The following NCAM2 variants were observed in gnomAD, a reference collection of about 807,000 sequenced individuals.
NCAM2 encodes the protein neural cell adhesion molecule 2.
NCAM2 carries 30 observed loss-of-function variants against 98.1 expected under a neutral mutation model. The observed-to-expected ratio is 0.31, with a 90% confidence interval of 0.23 to 0.41. The LOEUF is 0.41. Ranked by LOEUF, NCAM2 falls within the 10% of genes least tolerant of loss-of-function variation. The pLI is 1.00. For synonymous variants in NCAM2, 368 were observed against 342.4 expected (o/e 1.07, Z -0.83); for missense variants, 867 against 1,005.8 (o/e 0.86, Z 1.87).
chr21:21,526,474 AAAG>A (rs763417240), intron 16 of NCAM2, among the ~76,000 whole-genome samples: 1 of 152,150 alleles, frequency 6.6e-6, no homozygotes, highest in Non-Finnish European at 1.5e-5. Flanking sequence ...ATAGAAAATA[AAAG>A]AAGAATGAAA....
chr21:21,320,465 C>A (rs1445154612), intron 5 of NCAM2, among the ~76,000 whole-genome samples: 1 of 151,942 alleles, frequency 6.6e-6, no homozygotes, highest in Non-Finnish European at 1.5e-5. Context: ...AATTGATCAC[C>A]CTCATAAATT....
intron 16 of NCAM2, among the ~76,000 whole-genome samples, chr21:21,525,489 C>T (rs558795870): frequency 6.4e-4 from 98 of 152,174 alleles, no homozygotes; most frequent in African/African-American, 2.3e-3. Flanking sequence ...CTGAACAGAC[C>T]TTTATATCCA....
intron 1 of NCAM2, among the ~76,000 whole-genome samples, chr21:21,224,179 A>G (rs938924061): frequency 1.3e-5 from 2 of 152,196 alleles, no homozygotes; most frequent in Admixed American, 6.5e-5. Flanking sequence ...CAGATACTGC[A>G]AAGTCTTTAA....
chr21:21,043,094 G>A (rs887806157), intron 1 of NCAM2, among the ~76,000 whole-genome samples: 1 of 152,104 alleles, frequency 6.6e-6, no homozygotes, highest in African/African-American at 2.4e-5. Context: ...AATTTTATCT[G>A]GTTAAGCATT....
intron 15 of NCAM2, among the ~76,000 whole-genome samples, chr21:21,488,187 A>G (rs1351221551): frequency 1.3e-5 from 2 of 152,046 alleles, no homozygotes; most frequent in African/African-American, 2.4e-5. Context: ...TAAATATTCA[A>G]GTTCTTTTTA....
chr21:21,539,060 C>T lies in NCAM2; in HGVS notation c.*1103C>T, dbSNP rs550379875. 6.6e-6 allele frequency: 1 copy of T among 152,254 alleles called. No homozygotes were observed. The highest frequency in any genetic ancestry group is 2.1e-4 in the South Asian group (1 of 4,828). 9.4% of individuals were successfully genotyped at this position (152,254 alleles called of 1,614,324 possible). A position where few individuals can be genotyped will look rare whatever the true frequency, so the allele number is the denominator to read the frequency against. The stretch of plus-strand genomic sequence containing the variant: ...GTAAATGATAAATAATTAAATGCCA[C>T]TATGTGTTCTATTCCGGATGTTCTA... On this transcript the variant is annotated 3_prime_UTR_variant, in exon 18 of 18. Transcript: ENST00000400546.
chr21:21,236,192 T>A (rs1198406953), intron 1 of NCAM2, among the ~76,000 whole-genome samples: 2 of 152,004 alleles, frequency 1.3e-5, no homozygotes, highest in Non-Finnish European at 2.9e-5. Context: ...GCGCTTCCTA[T>A]CTAGGAAATC....
chr21:21,510,095 A>G (rs1988266274), intron 16 of NCAM2, among the ~76,000 whole-genome samples: 1 of 152,108 alleles, frequency 6.6e-6, no homozygotes, highest in African/African-American at 2.4e-5. Flanking sequence ...TCATACGTTA[A>G]TCCCTTATAT....
intron 1 of NCAM2, among the ~76,000 whole-genome samples, chr21:21,086,155 A>G (rs772728565): frequency 6.6e-6 from 1 of 152,204 alleles, no homozygotes; most frequent in Non-Finnish European, 1.5e-5. Flanking sequence ...CAATCCACAC[A>G]TTTCCTGTAA....
intron 1 of NCAM2, among the ~76,000 whole-genome samples, chr21:21,154,332 C>A (rs985601912): frequency 1.3e-5 from 2 of 151,548 alleles, no homozygotes; most frequent in Admixed American, 6.6e-5. Flanking sequence ...ATGATATGCA[C>A]AAACCAACTA....
At chr21:21,051,458 G>A (rs1197915751) in intron 1 of NCAM2, among the ~76,000 whole-genome samples, 1 of 152,208 alleles carries the variant, frequency 6.6e-6, no homozygotes, top group Non-Finnish European at 1.5e-5. Context: ...AACTTTTCAT[G>A]TAGTGGATGC....
chr21:21,351,137 A>AAG (rs1555878340), intron 8 of NCAM2, among the ~76,000 whole-genome samples: 76 of 127,560 alleles, frequency 6.0e-4, no homozygotes, highest in Middle Eastern at 8.8e-3. Flanking sequence ...AAAAAAAAAA[A>AAG]AAAAAGAAAC....
chr21:21,476,761 T>C (rs1206462905), intron 14 of NCAM2, among the ~76,000 whole-genome samples: 1 of 152,098 alleles, frequency 6.6e-6, no homozygotes, highest in Non-Finnish European at 1.5e-5. Context: ...TTTGTTTGTA[T>C]ATTATTTTAT....
intron 16 of NCAM2, among the ~76,000 whole-genome samples, chr21:21,520,163 A>G (rs946911472): frequency 7.2e-5 from 11 of 152,142 alleles, no homozygotes; most frequent in Non-Finnish European, 1.6e-4. Flanking sequence ...AATATTTATT[A>G]AACATCTATA....
At chr21:21,047,196 C>T (rs1398572615) in intron 1 of NCAM2, among the ~76,000 whole-genome samples, 1 of 152,080 alleles carries the variant, frequency 6.6e-6, no homozygotes, top group African/African-American at 2.4e-5. Context: ...TCTGTTTTTA[C>T]TGGGGTATTT....
chr21:21,437,502 T>TGTGTGTGTGTGTG, intron 12 of NCAM2, among the ~76,000 whole-genome samples: 2 of 37,268 alleles, frequency 5.4e-5, no homozygotes, highest in African/African-American at 3.2e-4. Flanking sequence ...GTGTGTGTGT[T>TGTGTGTGTGTGTG]TCTAGCACAC....
Position 21,393,535 on chromosome 21 carries a change from A to G in NCAM2, c.1196-16739A>G, listed in dbSNP as rs550792777. On this transcript the variant is annotated intron_variant, in intron 9 of 17. Coordinates refer to ENST00000400546, the MANE Select transcript of NCAM2 (RefSeq NM_004540.5). ...TCTTTATTAACCTAATAAGTATTGGATATGTAAAATTTAAAGATAATATCT... is the reference window on the plus strand; with the variant it reads ...TCTTTATTAACCTAATAAGTATTGGGTATGTAAAATTTAAAGATAATATCT... Among the ~76,000 whole-genome samples the G allele has an allele frequency of 3.4e-4, 51 of 152,188 alleles. 1 individual carries two copies. The South Asian group carries it at 6.4e-3, about 19-fold the overall frequency.
chr21:21,038,938 T>C (rs1410006266), intron 1 of NCAM2, among the ~76,000 whole-genome samples: 1 of 152,180 alleles, frequency 6.6e-6, no homozygotes, highest in Admixed American at 6.5e-5. Context: ...CTTAGAATTG[T>C]AACCGTTTGA....
chr21:21,035,603 G>A (rs551262787), intron 1 of NCAM2, among the ~76,000 whole-genome samples: 1 of 152,224 alleles, frequency 6.6e-6, no homozygotes, highest in Admixed American at 6.5e-5. Context: ...CATGATGTTA[G>A]GTTAGCAATA....
Sources: gnomAD v4.1 joint callset for allele counts (sites outside exome capture counted in the v4.1 genomes callset) on GRCh38, gnomAD v4.1.1 for gene constraint, MANE v1.5 for transcripts, NCBI Gene and HGNC (gene_info 2026-07-23, HGNC 2026-07-21) for gene names.